Variants in LRRTM4 observed in about 807,000 individuals in gnomAD.
LRRTM4 encodes the protein leucine-rich repeat transmembrane neuronal protein 4.
In LRRTM4, 25 loss-of-function variants were observed where a neutral mutation model predicts 47.6. That is an observed-to-expected ratio of 0.53 (90% CI 0.38 to 0.73). The LOEUF is 0.73. LRRTM4 is among the 30% of genes least tolerant of loss of function. LRRTM4 has a pLI of 0.00. For synonymous variants in LRRTM4, 311 were observed against 269.5 expected, an observed-to-expected ratio of 1.15 and a Z score of -1.51; for missense variants, 638 against 713.4, an observed-to-expected ratio of 0.89 and a Z score of 1.20.
At chr2:76,905,893 G>A (rs1395479069) in intron 3 of LRRTM4, among the ~76,000 whole-genome samples, 1 of 152,136 alleles carries the variant, frequency 6.6e-6, no homozygotes, top group Non-Finnish European at 1.5e-5. Context: ...AAGTGACAGG[G>A]AGAATGGAAC....
intron 3 of LRRTM4, among the ~76,000 whole-genome samples, chr2:77,211,606 T>G (rs2103923732): frequency 6.6e-6 from 1 of 152,320 alleles, no homozygotes; most frequent in Admixed American, 6.5e-5. Context: ...CAGTTATTAT[T>G]ATGACAATGG....
intron 3 of LRRTM4, among the ~76,000 whole-genome samples, chr2:77,035,991 G>C (rs1023747675): frequency 3.3e-5 from 5 of 151,544 alleles, no homozygotes; most frequent in African/African-American, 1.2e-4. Context: ...TACTCTCCAA[G>C]AATTTGTTTG....
At chr2:76,889,841 G>C (rs1039410076) in intron 3 of LRRTM4, among the ~76,000 whole-genome samples, 3 of 151,768 alleles carry the variant, frequency 2.0e-5, no homozygotes, top group African/African-American at 7.3e-5. Context: ...GAGAGAAAGA[G>C]GGAGAGAGAG....
rs1465790037 is a variant in LRRTM4 at position 76,807,257 on chromosome 2, CAAGTT to C, written c.1552-58346_1552-58342del. Among the ~76,000 whole-genome samples, 4 of 151,382 alleles carry C rather than the reference CAAGTT, an allele frequency of 2.6e-5. No individual in the cohort carries two copies. The East Asian group carries it at 5.8e-4, about 22-fold the overall frequency. On this transcript the variant is annotated intron_variant, in intron 3 of 3. Coordinates refer to ENST00000409884, the MANE Select transcript of LRRTM4 (RefSeq NM_001134745.3). ...TACGACAAATTTTCAACTGCAAGGA[CAAGTT>C]AAGTGAATTGTGGTATGCCCTCATT... is the stretch of plus-strand genomic sequence containing the variant.
At chr2:77,063,927 T>C (rs1326376874) in intron 3 of LRRTM4, among the ~76,000 whole-genome samples, 1 of 152,156 alleles carries the variant, frequency 6.6e-6, no homozygotes, top group Non-Finnish European at 1.5e-5. Flanking sequence ...GATTTTTTTT[T>C]TGGAAGGAGA....
intron 3 of LRRTM4, among the ~76,000 whole-genome samples, chr2:77,052,593 TGAAG>T (rs1387812189): frequency 1.3e-5 from 2 of 152,086 alleles, no homozygotes; most frequent in Non-Finnish European, 2.9e-5. Context: ...TTTACTGATC[TGAAG>T]GAAGAAGTCA....
intron 3 of LRRTM4, among the ~76,000 whole-genome samples, chr2:77,118,159 G>A (rs1671436331): frequency 6.6e-6 from 1 of 151,702 alleles, no homozygotes; most frequent in South Asian, 2.1e-4. Flanking sequence ...GTCACTACTA[G>A]AAATTGGTAG....
intron 3 of LRRTM4, among the ~76,000 whole-genome samples, chr2:77,364,787 A>C (rs1300369211): frequency 1.3e-5 from 2 of 152,088 alleles, no homozygotes; most frequent in Non-Finnish European, 2.9e-5. Context: ...CACAATCATA[A>C]GCCGAACCCT....
chr2:76,772,527 G>A (rs543670879), intron 3 of LRRTM4, among the ~76,000 whole-genome samples: 2 of 152,292 alleles, frequency 1.3e-5, no homozygotes, highest in South Asian at 4.1e-4. Context: ...TAACCTAGTT[G>A]TAAAACTGAA....
intron 3 of LRRTM4, among the ~76,000 whole-genome samples, chr2:76,915,146 A>G (rs992007630): frequency 3.3e-5 from 5 of 152,216 alleles, no homozygotes; most frequent in Non-Finnish European, 5.9e-5. Flanking sequence ...TGCTTTGGGA[A>G]TAAGAGTGAA....
At chr2:77,222,621 T>C (rs1674671320) in intron 3 of LRRTM4, among the ~76,000 whole-genome samples, 1 of 152,132 alleles carries the variant, frequency 6.6e-6, no homozygotes, top group Non-Finnish European at 1.5e-5. Flanking sequence ...AATGGATAAA[T>C]TCCTCAACAC....
At chr2:77,008,348 A>C (rs2104054196) in intron 3 of LRRTM4, among the ~76,000 whole-genome samples, 1 of 152,312 alleles carries the variant, frequency 6.6e-6, no homozygotes, top group Non-Finnish European at 1.5e-5. Context: ...TTTTTTAAAT[A>C]AATTCAAGCC....
chr2:77,049,493 G>C (rs76770117), intron 3 of LRRTM4, among the ~76,000 whole-genome samples: 3,547 of 151,836 alleles, frequency 0.023, 154 homozygotes, highest in African/African-American at 0.081. Context: ...ATTCTAGCTA[G>C]AGTGAGATGG....
intron 3 of LRRTM4, among the ~76,000 whole-genome samples, chr2:77,258,108 GAAAAGAAA>G (rs1675819769): frequency 1.6e-5 from 2 of 125,672 alleles, no homozygotes; most frequent in Non-Finnish European, 3.3e-5. Flanking sequence ...AAAATAAAAA[GAAAAGAAA>G]AAAAGAAAAA....
chr2:77,393,770 G>A (rs1326377878), intron 3 of LRRTM4, among the ~76,000 whole-genome samples: 2 of 151,886 alleles, frequency 1.3e-5, no homozygotes, highest in Admixed American at 1.3e-4. Flanking sequence ...AGGAGGTGGA[G>A]GCAGGGACTA....
At chr2:77,334,447 G>A (rs562198469) in intron 3 of LRRTM4, among the ~76,000 whole-genome samples, 41 of 152,184 alleles carry the variant, frequency 2.7e-4, no homozygotes, top group African/African-American at 8.4e-4. Context: ...GGTCTTTCCC[G>A]GGCTGTTCTC....
chr2:77,031,890 T>G (rs1458563606), intron 3 of LRRTM4, among the ~76,000 whole-genome samples: 2 of 152,132 alleles, frequency 1.3e-5, no homozygotes, highest in African/African-American at 2.4e-5. Context: ...TCTCCCTTCT[T>G]GTCCATAGCA....
intron 3 of LRRTM4, among the ~76,000 whole-genome samples, chr2:76,976,382 T>G (rs138738936): frequency 7.2e-4 from 109 of 151,686 alleles, no homozygotes; most frequent in African/African-American, 2.6e-3. Flanking sequence ...ATATAAACGA[T>G]GAAAGCTTTA....
chr2:76,988,502 G>A (rs919278770), intron 3 of LRRTM4, among the ~76,000 whole-genome samples: 3 of 151,636 alleles, frequency 2.0e-5, no homozygotes, highest in African/African-American at 7.3e-5. Context: ...TTTCCCTTAT[G>A]CTATGGACAT....
Sources: allele counts gnomAD v4.1 joint callset (sites outside exome capture counted in the v4.1 genomes callset), GRCh38; gene constraint gnomAD v4.1.1; transcripts MANE v1.5; gene names NCBI Gene and HGNC (gene_info 2026-07-23, HGNC 2026-07-21).